Variants in CEACAM6 observed in about 807,000 individuals in gnomAD.
CEACAM6 encodes the protein cell adhesion molecule CEACAM6.
CEACAM6 carries 21 observed loss-of-function variants against 32.4 expected under a neutral mutation model. The ratio of observed to expected loss-of-function variants is 0.65; its 90% CI spans 0.46 to 0.93. CEACAM6 has a LOEUF of 0.93. CEACAM6 is among the 40% of genes least tolerant of loss of function. CEACAM6 has a pLI of 0.00. For synonymous variants in CEACAM6, 184 were observed against 174.4 expected (o/e 1.06, Z -0.43); for missense variants, 406 against 432.2 (o/e 0.94, Z 0.54).
At position 41,771,650 on chromosome 19, in the gene CEACAM6, G is replaced by C. The variant is rs2072995018; in HGVS notation, c.*889G>C. 6.6e-6 allele frequency: 1 copy of C among 152,186 alleles called. No individual in the cohort carries two copies. The highest frequency in any genetic ancestry group is 2.4e-5 in the African/African-American group (1 of 41,446). 9.4% of individuals were successfully genotyped at this position (152,186 alleles called of 1,614,324 possible). On this transcript the variant is annotated 3_prime_UTR_variant, in exon 6 of 6. Transcript: ENST00000199764. The stretch of plus-strand genomic sequence containing the variant: ...ACTAGTAGTCATACTCCCTGGTGTA[G>C]TGTATTCTCTAAAAGCTTTAAATGT...
At chr19:41,764,375 C>T (rs549207068) in intron 4 of CEACAM6, among the ~76,000 whole-genome samples, 7 of 152,168 alleles carry the variant, frequency 4.6e-5, no homozygotes, top group African/African-American at 1.7e-4. Flanking sequence ...CAGGCTGAAC[C>T]CCCTGGGCTC....
intron 5 of CEACAM6, among the ~76,000 whole-genome samples, chr19:41,767,153 A>G: frequency 6.6e-6 from 1 of 152,052 alleles, no homozygotes; most frequent in East Asian, 1.9e-4. Flanking sequence ...CTGACTCTCT[A>G]CACATCCCTG....
intron 5 of CEACAM6, among the ~76,000 whole-genome samples, chr19:41,766,985 G>GAC (rs1219108478): frequency 7.8e-6 from 1 of 127,574 alleles, no homozygotes; most frequent in African/African-American, 2.9e-5. Context: ...CAGCCTGGGC[G>GAC]ACAGTGCAAG....
In CEACAM6 at chr19:41,756,608, C is replaced by T. The variant is rs782033686; in HGVS notation, c.73C>T (p.Leu25=). 2 of 1,613,762 alleles carry T rather than the reference C, an allele frequency of 1.2e-6. No individual in the cohort carries two copies. The highest frequency in any genetic ancestry group is 2.2e-5 in the East Asian group (1 of 44,880). Residue 25 remains leucine (L), a synonymous_variant, in exon 2 of 6, where the codon CTA becomes TTA. Coordinates refer to ENST00000199764, the MANE Select transcript of CEACAM6 (RefSeq NM_002483.7). ...TCTCTCCTCTCTCCTAGCCTCACTT[C>T]TAACCTTCTGGAACCCACCCACCAC... The part of the protein sequence containing the change: ...WKEVLLTASL[L]TFWNPPTTAK...
Position 41,772,114 on chromosome 19 carries a change from G to A in CEACAM6, c.*1353G>A, listed in dbSNP as rs1168675398. On this transcript the variant is annotated 3_prime_UTR_variant, in exon 6 of 6. Coordinates refer to ENST00000199764, the MANE Select transcript of CEACAM6 (RefSeq NM_002483.7). ...CAATTTGACAAAACCCACTGTTCTTGTATTGTATTGCCCAGGGGGAGCTAT... is the reference window on the plus strand; with the variant it reads ...CAATTTGACAAAACCCACTGTTCTTATATTGTATTGCCCAGGGGGAGCTAT... 1 of 152,178 alleles carries A rather than the reference G, an allele frequency of 6.6e-6. No homozygotes were observed. The highest frequency in any genetic ancestry group is 2.4e-5 in the African/African-American group (1 of 41,440). The allele number at this position is 152,178 out of a possible 1,614,324, so 9.4% of individuals were successfully genotyped here.
chr19:41,766,022 C>T (rs1222594375), intron 4 of CEACAM6, among the ~76,000 whole-genome samples, 161 bp from the exon 5 acceptor site: 1 of 152,230 alleles, frequency 6.6e-6, no homozygotes, highest in Non-Finnish European at 1.5e-5. Flanking sequence ...TGATCACCAA[C>T]CTAGAAACGT....
At position 41,761,408 on chromosome 19, in the gene CEACAM6, A is replaced by G. The variant is rs781784609; in HGVS notation, c.584A>G (p.Asn195Ser). The G allele has an allele frequency of 3.1e-6, 5 of 1,614,202 alleles. No homozygotes were observed. The highest frequency in any genetic ancestry group is 4.2e-6 in the Non-Finnish European group (5 of 1,180,040). ...GTCAGTCCCAGGCTGCAGCTGTCCA[A>G]TGGCAACATGACCCTCACTCTACTC... is the stretch of plus-strand genomic sequence containing the variant. Reference protein sequence around the residue: ...LPVSPRLQLSNGNMTLTLLSV... With the variant: ...LPVSPRLQLSSGNMTLTLLSV... The change falls in exon 3 of 6, where the codon AAT (asparagine) becomes AGT (serine). Residue 195 changes from asparagine (N) to serine (S), a missense_variant. Transcript: ENST00000199764.
At chr19:41,761,657 C>CAGGTT in intron 3 of CEACAM6, 130 bp downstream of exon 3, 1 of 1,468,632 alleles carries the variant, frequency 6.8e-7, no homozygotes. Context: ...ACTTCCTGCC[C>CAGGTT]TGAGCAAACC....
chr19:41,760,077 C>G (rs142927401), intron 2 of CEACAM6, among the ~76,000 whole-genome samples: 171 of 152,232 alleles, frequency 1.1e-3, no homozygotes, highest in African/African-American at 3.2e-3. Flanking sequence ...ATACTCAATC[C>G]GTATGAACTA....
At chr19:41,764,004 TG>T (rs1383126821) in intron 4 of CEACAM6, among the ~76,000 whole-genome samples, 2 of 152,260 alleles carry the variant, frequency 1.3e-5, no homozygotes, top group Non-Finnish European at 2.9e-5. Context: ...GTCTTGCTCC[TG>T]GTCTTACAGG....
intron 4 of CEACAM6, among the ~76,000 whole-genome samples, chr19:41,763,283 A>C (rs2072937565): frequency 6.6e-6 from 1 of 152,172 alleles, no homozygotes; most frequent in African/African-American, 2.4e-5. Flanking sequence ...TGTGACCCAC[A>C]GCCTGACCCC....
At position 41,756,898 on chromosome 19, in the gene CEACAM6, C is replaced by A. The variant is rs764887273; in HGVS notation, c.363C>A (p.Thr121=). 16 of 1,613,962 alleles carry A rather than the reference C, an allele frequency of 9.9e-6. No individual in the cohort carries two copies. Among genetic ancestry groups the A allele is most frequent in the Non-Finnish European group, 1.2e-5 (14 of 1,179,936 alleles). The stretch of plus-strand genomic sequence containing the variant: ...CCCAGAATGACACAGGATTCTATAC[C>A]CTACAAGTCATAAAGTCAGATCTTG... ...NVTQNDTGFY[T]LQVIKSDLVN... Residue 121 remains threonine, a synonymous_variant, in exon 2 of 6, where the codon ACC becomes ACA. Coordinates refer to ENST00000199764, the MANE Select transcript of CEACAM6 (RefSeq NM_002483.7).
At chr19:41,766,373 T>C (rs1415090788) in intron 5 of CEACAM6, 74 bp downstream of exon 5, 2 of 667,190 alleles carry the variant, frequency 3.0e-6, no homozygotes, top group Non-Finnish European at 4.9e-6. Context: ...AAAAACTTCT[T>C]CACCTGTATC....
At chr19:41,767,183 C>T (rs1436723958) in intron 5 of CEACAM6, among the ~76,000 whole-genome samples, 1 of 152,144 alleles carries the variant, frequency 6.6e-6, no homozygotes, top group Non-Finnish European at 1.5e-5. Flanking sequence ...CCCGGATGCA[C>T]ATAGAATTCT....
At position 41,761,279 on chromosome 19, in the gene CEACAM6, A is replaced by T; in HGVS notation, c.455A>T (p.Asn152Ile). ...CTGCCCAAGCCCTCCATCTCCAGCAACAACTCCAACCCCGTGGAGGACAAG... is the reference window on the plus strand; with the variant it reads ...CTGCCCAAGCCCTCCATCTCCAGCATCAACTCCAACCCCGTGGAGGACAAG... The part of the protein sequence containing the change: ...PELPKPSISS[N>I]NSNPVEDKDA... The change falls in exon 3 of 6, where the codon AAC becomes ATC. Residue 152 changes from asparagine (N) to isoleucine (I), a missense_variant. Asn to Ile is a moderately radical substitution (Grantham distance 149). Coordinates refer to ENST00000199764, the MANE Select transcript of CEACAM6 (RefSeq NM_002483.7). 1.2e-6 allele frequency: 2 copies of T among 1,614,208 alleles called. No homozygotes were observed. The highest frequency in any genetic ancestry group is 1.7e-6 in the Non-Finnish European group (2 of 1,180,026).
At position 41,766,168 on chromosome 19, in the gene CEACAM6, T is replaced by G. The variant is rs782023804; in HGVS notation, c.959-15T>G. ...AATAACATCACCTTCATTCCTTCTC[T>G]CTTCTTCCCACAAGGAAGTGCTCCT... On this transcript the variant is annotated splice_polypyrimidine_tract_variant and intron_variant, in intron 4 of 5. Transcript: ENST00000199764. 1 of 1,589,434 alleles carries G rather than the reference T, an allele frequency of 6.3e-7. No individual in the cohort carries two copies. The highest frequency in any genetic ancestry group is 1.4e-5 in the African/African-American group (1 of 73,766).
Position 41,762,086 on chromosome 19 carries a change from A to G in CEACAM6, c.821A>G (p.Asn274Ser). ...NPPAQYSWFI[N>S]GTFQQSTQEL... Reference sequence around the variant, plus strand: ...CCTGCACAGTACTCTTGGTTTATCAATGGGACGTTCCAGCAATCCACACAA... The same window carrying G: ...CCTGCACAGTACTCTTGGTTTATCAGTGGGACGTTCCAGCAATCCACACAA... The change falls in exon 4 of 6, where the codon AAT (asparagine) becomes AGT (serine). Residue 274 changes from asparagine to serine, a missense_variant. Asn to Ser is a conservative substitution (Grantham distance 46). Coordinates refer to ENST00000199764, the MANE Select transcript of CEACAM6 (RefSeq NM_002483.7). The G allele has an allele frequency of 1.2e-6, 2 of 1,614,148 alleles. No individual in the cohort carries two copies. Among genetic ancestry groups the G allele is most frequent in the South Asian group, 1.1e-5 (1 of 91,066 alleles).
chr19:41,761,382 G>T lies in CEACAM6; in HGVS notation c.558G>T (p.Pro186=). 1 of 1,614,146 alleles carries T rather than the reference G, an allele frequency of 6.2e-7. No homozygotes were observed. The highest frequency in any genetic ancestry group is 8.5e-7 in the Non-Finnish European group (1 of 1,180,040). ...GGTGGGTAAATGGTCAGAGCCTCCC[G>T]GTCAGTCCCAGGCTGCAGCTGTCCA... The part of the protein sequence containing the change: ...YLWWVNGQSL[P]VSPRLQLSNG... The change falls in exon 3 of 6, where the codon CCG becomes CCT. Residue 186 remains proline (P), a synonymous_variant. Transcript: ENST00000199764.
chr19:41,767,591 C>A (rs939418792), intron 5 of CEACAM6, among the ~76,000 whole-genome samples: 101 of 152,318 alleles, frequency 6.6e-4, no homozygotes, highest in African/African-American at 2.4e-3. Context: ...CAAGCCCCAA[C>A]CATAAATTCT....
Sources: allele counts gnomAD v4.1 joint callset (sites outside exome capture counted in the v4.1 genomes callset), GRCh38; gene constraint gnomAD v4.1.1; transcripts MANE v1.5; gene names NCBI Gene and HGNC (gene_info 2026-07-23, HGNC 2026-07-21).